ZNF236: variants seen among roughly 807,000 people sequenced by gnomAD.
ZNF236 encodes the protein zinc finger protein 236, also known as regulated by glucose.
A neutral mutation model predicts 191.2 loss-of-function variants in ZNF236; 50 were observed. That is an observed-to-expected ratio of 0.26 (90% CI 0.21 to 0.33). The LOEUF (loss-of-function observed/expected upper bound fraction) is 0.33, where lower values mean the gene tolerates loss of function less well. ZNF236 is among the 10% of genes least tolerant of loss of function. ZNF236 has a pLI of 1.00. For missense variants in ZNF236, 1,754 were observed against 2,374.5 expected, an observed-to-expected ratio of 0.74 and a Z score of 5.43; for synonymous variants, 907 against 928.8, an observed-to-expected ratio of 0.98 and a Z score of 0.43.
intron 25 of ZNF236, chr18:76,935,911 T>C (rs1599409371): frequency 4.4e-6 from 2 of 454,052 alleles, no homozygotes. Context: ...CCTAGCTATC[T>C]GTGGAGCCCC....
intron 26 of ZNF236, among the ~76,000 whole-genome samples, chr18:76,944,250 G>A (rs1968205707): frequency 1.3e-5 from 2 of 152,166 alleles, no homozygotes; most frequent in Admixed American, 1.3e-4. Flanking sequence ...CTTGGTGCTT[G>A]CTGTTACATT....
rs753757939 is a variant in ZNF236 at position 76,927,054 on chromosome 18, G to A, written c.4045G>A (p.Val1349Met). 5.9e-5 allele frequency: 95 copies of A among 1,611,924 alleles called. No individual in the cohort carries two copies. The highest frequency in any genetic ancestry group is 3.3e-4 in the Middle Eastern group (2 of 6,078). The change falls in exon 23 of 31, where the codon GTG becomes ATG. Residue 1349 changes from valine to methionine, a missense_variant. By Grantham distance (21) the Val-to-Met change is conservative (BLOSUM62 1). Coordinates refer to ENST00000320610, the MANE Select transcript of ZNF236 (RefSeq NM_001306089.2). This position sits in a 1 kb window ranked among gnomAD's most constrained non-coding sequence, Gnocchi z 5.4. ...ASVSAGGDLT[V>M]SLTDGSLATL... is the part of the protein sequence containing the mutation. ...CTGGCCAGCTGGGGGTGACCTGACC[G>A]TGTCTCTGACAGATGGGAGCCTGGC...
chr18:76,950,978 A>G (rs1240767821), intron 27 of ZNF236, among the ~76,000 whole-genome samples: 1 of 152,220 alleles, frequency 6.6e-6, no homozygotes, highest in Admixed American at 6.5e-5. Flanking sequence ...TGCATTGTCA[A>G]TGAGCAGGAA....
chr18:76,850,559 ACT>A (rs1446714422), intron 2 of ZNF236, among the ~76,000 whole-genome samples: 4 of 152,032 alleles, frequency 2.6e-5, no homozygotes, highest in South Asian at 2.1e-4. Flanking sequence ...AGATAAGCAA[ACT>A]CTGTTAAAAT....
chr18:76,899,869 G>A (rs760196552), intron 11 of ZNF236, among the ~76,000 whole-genome samples: 5 of 152,170 alleles, frequency 3.3e-5, no homozygotes, highest in East Asian at 1.9e-4. Context: ...AATACTAGGA[G>A]TTTACTTCTC....
intron 3 of ZNF236, among the ~76,000 whole-genome samples, chr18:76,863,672 C>G (rs1410771694): frequency 2.0e-5 from 3 of 152,020 alleles, no homozygotes; most frequent in Middle Eastern, 3.4e-3. Context: ...AAGCGATCCT[C>G]CCACCTCTGC....
intron 1 of ZNF236, among the ~76,000 whole-genome samples, chr18:76,834,030 A>G (rs1277396401): frequency 6.6e-6 from 1 of 152,102 alleles, no homozygotes; most frequent in Non-Finnish European, 1.5e-5. Flanking sequence ...CAGTTTCTTT[A>G]GTATATATAA....
Position 76,927,597 on chromosome 18 carries a change from T to C in ZNF236, c.4414+80T>C. 1 of 1,503,804 alleles carries C rather than the reference T, an allele frequency of 6.6e-7. No homozygotes were observed. Among genetic ancestry groups the C allele is most frequent in the Non-Finnish European group, 8.9e-7 (1 of 1,122,258 alleles). The allele number at this position is 1,503,804 out of a possible 1,614,324, so 93.2% of individuals were successfully genotyped here. On this transcript the variant is annotated intron_variant, in intron 24 of 30. Coordinates refer to ENST00000320610, the MANE Select transcript of ZNF236 (RefSeq NM_001306089.2). This position sits in a 1 kb window ranked among gnomAD's most constrained non-coding sequence, Gnocchi z 5.4. ...TGTGATTACATATTTGAATTTAGGA[T>C]GTTATGATGTCATTTTCTTCTCTTT...
In ZNF236 at chr18:76,927,344, A is replaced by G; in HGVS notation, c.4241A>G (p.Glu1414Gly). The G allele has an allele frequency of 6.2e-7, 1 of 1,614,080 alleles. No homozygotes were observed. Among genetic ancestry groups the G allele is most frequent in the Non-Finnish European group, 8.5e-7 (1 of 1,180,004 alleles). ...GNLLAQQLTG[E>G]PGLAPQNSSL... ...CTATTGGCTCAGCAGCTCACGGGGG[A>G]GCCTGGCCTGGCCCCACAGAACAGC... Residue 1414 changes from glutamate to glycine, a missense_variant, in exon 24 of 31, where the codon GAG (glutamate) becomes GGG (glycine). Transcript: ENST00000320610. This position sits in a 1 kb window ranked among gnomAD's most constrained non-coding sequence, Gnocchi z 5.4.
Position 76,849,737 on chromosome 18 carries a change from G to C in ZNF236, c.198+69G>C, listed in dbSNP as rs1975801920. 13 of 1,358,868 alleles carry C rather than the reference G, an allele frequency of 9.6e-6. No homozygotes were observed. The East Asian group carries it at 3.4e-4, about 36-fold the overall frequency. The allele number at this position is 1,358,868 out of a possible 1,614,324, so 84.2% of individuals were successfully genotyped here. On this transcript the variant is annotated intron_variant, in intron 2 of 30. Transcript: ENST00000320610. ...CTGGAGGTATTGTAAAAATGAACAA[G>C]TAAAATCAAAACTTTTAATTTAGGT...
intron 30 of ZNF236, 117 bp from the exon 31 acceptor site, chr18:76,968,098 G>A: frequency 7.3e-7 from 1 of 1,369,734 alleles, no homozygotes; most frequent in Non-Finnish European, 1.0e-6. Flanking sequence ...GGAATGAAAA[G>A]CAAATTACTT....
At chr18:76,890,391 G>A (rs1247909532) in intron 9 of ZNF236, among the ~76,000 whole-genome samples, 1 of 152,166 alleles carries the variant, frequency 6.6e-6, no homozygotes, top group Non-Finnish European at 1.5e-5. Flanking sequence ...ATTGTCCACT[G>A]TACCGACCTT....
In ZNF236 at chr18:76,960,779, G is replaced by A. The variant is rs201873301; in HGVS notation, c.5343G>A (p.Lys1781=). Residue 1781 remains lysine (K), a synonymous_variant, in exon 30 of 31, where the codon AAG becomes AAA. Coordinates refer to ENST00000320610, the MANE Select transcript of ZNF236 (RefSeq NM_001306089.2). This position sits in a 1 kb window ranked among gnomAD's most constrained non-coding sequence, Gnocchi z 4.4. ...AGCACACGGGGGAGCGGCCCTACAA[G>A]TGTGCCTACTGCGTCATGGGCTTCA... ...MKKHTGERPY[K]CAYCVMGFTQ... The A allele has an allele frequency of 2.2e-4, 355 of 1,614,182 alleles. 1 individual carries two copies. In the African/African-American group the frequency reaches 3.7e-3, roughly 17 times the overall value.
intron 11 of ZNF236, among the ~76,000 whole-genome samples, chr18:76,901,472 A>G (rs1251050273): frequency 6.6e-6 from 1 of 152,226 alleles, no homozygotes; most frequent in Admixed American, 6.5e-5. Flanking sequence ...CCAAAACACC[A>G]GTCTGGTTGG....
At chr18:76,849,405 T>TA in intron 1 of ZNF236, 121 bp from the exon 2 acceptor site, 1 of 771,818 alleles carries the variant, frequency 1.3e-6, no homozygotes, top group African/African-American at 1.8e-5. Flanking sequence ...TAATTTCGTC[T>TA]AAAATGTCAC....
intron 1 of ZNF236, chr18:76,824,305 A>G (rs1402143432): frequency 5.1e-6 from 4 of 781,096 alleles, no homozygotes; most frequent in Non-Finnish European, 9.6e-6. Context: ...ACACGTGCAC[A>G]TTACGGAAAC....
At position 76,957,883 on chromosome 18, in the gene ZNF236, T is replaced by C. The variant is rs938438320; in HGVS notation, c.5112+1701T>C. On this transcript the variant is annotated intron_variant, in intron 28 of 30. Transcript: ENST00000320610. ...GGACAGAGGAACAGCAAAGATGTCA[T>C]GACGAAGACGCCAAAAGCAATTGCA... 1.3e-4 allele frequency among the ~76,000 whole-genome samples: 20 copies of C among 152,256 alleles called. 1 individual carries two copies. Among genetic ancestry groups the C allele is most frequent in the Admixed American group, 1.0e-3 (16 of 15,288 alleles).
chr18:76,848,885 C>T (rs1975778642), intron 1 of ZNF236, among the ~76,000 whole-genome samples: 1 of 152,188 alleles, frequency 6.6e-6, no homozygotes, highest in Admixed American at 6.5e-5. Flanking sequence ...TCTTGAACTC[C>T]AGACCTCAGG....
intron 1 of ZNF236, among the ~76,000 whole-genome samples, chr18:76,828,982 G>A (rs986380185): frequency 6.6e-6 from 1 of 152,180 alleles, no homozygotes; most frequent in African/African-American, 2.4e-5. Context: ...TGAAGGAAGT[G>A]TGATTAGATA....
Sources: allele counts gnomAD v4.1 joint callset (sites outside exome capture counted in the v4.1 genomes callset), GRCh38; gene constraint gnomAD v4.1.1; non-coding constraint Gnocchi (gnomAD v3.1); transcripts MANE v1.5; gene names NCBI Gene and HGNC (gene_info 2026-07-23, HGNC 2026-07-21).